HACE1: variants seen among roughly 807,000 people sequenced by gnomAD.
The protein encoded by HACE1 is HECT domain and ankyrin repeat containing E3 ubiquitin protein ligase 1.
HACE1 carries 73 observed loss-of-function variants against 118.4 expected under a neutral mutation model. The observed-to-expected ratio is 0.62, with a 90% CI of 0.51 to 0.75. HACE1 has a LOEUF of 0.75. Among genes scored for constraint, HACE1 ranks in the 30% least tolerant of loss-of-function variants. The pLI, the probability that HACE1 is intolerant of heterozygous loss-of-function variation, is 0.00. For missense variants in HACE1, 749 were observed against 1,102.2 expected, an observed-to-expected ratio of 0.68 and a Z score of 4.54; for synonymous variants, 368 against 374.8, an observed-to-expected ratio of 0.98 and a Z score of 0.21.
At chr6:104,741,158 C>G (rs1254734613) in intron 22 of HACE1, among the ~76,000 whole-genome samples, 30 of 110,122 alleles carry the variant, frequency 2.7e-4, no homozygotes, top group African/African-American at 1.4e-3. Flanking sequence ...TGGGATGTAT[C>G]TCAAAATAAT....
chr6:104,838,735 T>C (rs1215994331), intron 5 of HACE1, among the ~76,000 whole-genome samples: 1 of 150,732 alleles, frequency 6.6e-6, no homozygotes, highest in Admixed American at 6.6e-5. Context: ...AACGGACAAA[T>C]AGGATCACTT....
intron 6 of HACE1, among the ~76,000 whole-genome samples, chr6:104,821,457 A>G (rs1297586914): frequency 6.6e-6 from 1 of 152,214 alleles, no homozygotes; most frequent in East Asian, 1.9e-4. Context: ...AACAATCCAG[A>G]AACTGTAATA....
chr6:104,791,545 C>T lies in HACE1; in HGVS notation c.1033G>A (p.Gly345Ser). ...CTTGGAGTTTTATTCCCATTGTAGC[C>T]CATATCAATTCCATTACTGGGGGAG... ...PSSPSNGIDMGYNGNKTPRSQ... is the reference protein window; with the variant it reads ...PSSPSNGIDMSYNGNKTPRSQ... Residue 345 changes from glycine (G) to serine (S), a missense_variant, in exon 11 of 24, where the codon GGC (glycine) becomes AGC (serine). Gly to Ser is a moderately conservative substitution (Grantham distance 56). Coordinates refer to ENST00000262903, the MANE Select transcript of HACE1 (RefSeq NM_020771.4). 6 of 1,613,030 alleles carry T rather than the reference C, an allele frequency of 3.7e-6. No homozygotes were observed. The highest frequency in any genetic ancestry group is 5.1e-6 in the Non-Finnish European group (6 of 1,179,156).
chr6:104,855,694 A>T (rs1776652308), intron 1 of HACE1, among the ~76,000 whole-genome samples: 1 of 152,156 alleles, frequency 6.6e-6, no homozygotes, highest in African/African-American at 2.4e-5. Context: ...GCATGACAAC[A>T]TTCTTTATCG....
At chr6:104,747,843 T>G (rs972672053) in intron 20 of HACE1, among the ~76,000 whole-genome samples, 2 of 152,130 alleles carry the variant, frequency 1.3e-5, no homozygotes, top group Non-Finnish European at 2.9e-5. Flanking sequence ...ATCAAGACCA[T>G]GCCTACAATG....
intron 17 of HACE1, among the ~76,000 whole-genome samples, chr6:104,772,318 A>G (rs1780715949): frequency 6.6e-6 from 1 of 152,192 alleles, no homozygotes; most frequent in Non-Finnish European, 1.5e-5. Flanking sequence ...AGAAAATTTT[A>G]GAGTACTTTT....
At chr6:104,759,336 C>A (rs1779071360) in intron 19 of HACE1, among the ~76,000 whole-genome samples, 1 of 152,062 alleles carries the variant, frequency 6.6e-6, no homozygotes, top group Non-Finnish European at 1.5e-5. Context: ...GAAAAGAAAT[C>A]ACAACAAACT....
At chr6:104,819,201 A>G (rs1055800738) in intron 6 of HACE1, among the ~76,000 whole-genome samples, 2 of 152,268 alleles carry the variant, frequency 1.3e-5, no homozygotes, top group Admixed American at 1.3e-4. Context: ...GTCTCAGAAT[A>G]CAAAACCAAC....
chr6:104,752,285 G>A (rs1256917224), intron 19 of HACE1, among the ~76,000 whole-genome samples: 6 of 152,118 alleles, frequency 3.9e-5, no homozygotes, highest in African/African-American at 1.2e-4. Context: ...GTACCCAACA[G>A]TCAAACAGAA....
chr6:104,833,988 A>G (rs561241570), intron 5 of HACE1, among the ~76,000 whole-genome samples: 21 of 152,210 alleles, frequency 1.4e-4, no homozygotes, highest in Non-Finnish European at 2.6e-4. Flanking sequence ...CGTCTCAAAA[A>G]AAAAAATTAG....
intron 19 of HACE1, among the ~76,000 whole-genome samples, chr6:104,763,402 T>C (rs1779624114): frequency 6.6e-6 from 1 of 152,186 alleles, no homozygotes; most frequent in African/African-American, 2.4e-5. Context: ...AAATGAGTTA[T>C]CTTGGCAATG....
intron 20 of HACE1, among the ~76,000 whole-genome samples, chr6:104,749,889 A>C (rs1777851013): frequency 6.6e-6 from 1 of 152,114 alleles, no homozygotes; most frequent in Admixed American, 6.5e-5. Flanking sequence ...AAGAATTATA[A>C]AATTATATAT....
At chr6:104,801,100 T>C (rs1198883191) in intron 7 of HACE1, among the ~76,000 whole-genome samples, 4 of 151,886 alleles carry the variant, frequency 2.6e-5, no homozygotes, top group Admixed American at 2.6e-4. Flanking sequence ...TTCGATCAAG[T>C]GGAAGAAAGG....
At chr6:104,757,550 A>G (rs1778862326) in intron 19 of HACE1, among the ~76,000 whole-genome samples, 1 of 152,230 alleles carries the variant, frequency 6.6e-6, no homozygotes, top group Admixed American at 6.5e-5. Context: ...GGTCACAAAC[A>G]TCAAAGCCAA....
At chr6:104,770,315 T>C (rs1582383696) in intron 19 of HACE1, among the ~76,000 whole-genome samples, 1 of 152,138 alleles carries the variant, frequency 6.6e-6, no homozygotes, top group African/African-American at 2.4e-5. Context: ...TATAACATAT[T>C]AAAACACCAA....
At chr6:104,845,608 G>C (rs1582756246) in intron 4 of HACE1, among the ~76,000 whole-genome samples, 1 of 151,538 alleles carries the variant, frequency 6.6e-6, no homozygotes. Context: ...CTCCTGAGTA[G>C]CTGGGACTAC....
chr6:104,816,939 G>A (rs1446683470), intron 6 of HACE1, among the ~76,000 whole-genome samples: 1 of 152,182 alleles, frequency 6.6e-6, no homozygotes, highest in Non-Finnish European at 1.5e-5. Flanking sequence ...AGCCCTGCTA[G>A]GTTTCAGACT....
chr6:104,730,318 G>A lies in HACE1; in HGVS notation c.2612C>T (p.Pro871Leu). ...AAVPYTPNLL[P>L]TSSTCINMLK... is the part of the protein sequence containing the mutation. The stretch of plus-strand genomic sequence containing the variant: ...GTCAACATACCATGTGCTTGAAGTT[G>A]GTAAAAGATTTGGAGTATATGGCAC... Residue 871 changes from proline to leucine, a missense_variant, in exon 23 of 24, where the codon CCA becomes CTA. By Grantham distance (98) the Pro-to-Leu change is moderately conservative. Around this residue, in one of 5 missense-constraint regions of HACE1, gnomAD observed 165 missense variants for 229.9 expected, o/e 0.72. Coordinates refer to ENST00000262903, the MANE Select transcript of HACE1 (RefSeq NM_020771.4). 6.6e-7 allele frequency: 1 copy of A among 1,509,160 alleles called. No homozygotes were observed. 93.5% of individuals were successfully genotyped at this position (1,509,160 alleles called of 1,614,324 possible). A position where few individuals can be genotyped will look rare whatever the true frequency, so the allele number is the denominator to read the frequency against.
At chr6:104,780,216 C>G (rs187350933) in intron 14 of HACE1, 1 of 220,526 alleles carries the variant, frequency 4.5e-6, no homozygotes, top group Admixed American at 5.6e-5. Context: ...ACAAATGGAA[C>G]CTTTTCAAGT....
Sources: allele counts gnomAD v4.1 joint callset (sites outside exome capture counted in the v4.1 genomes callset), GRCh38; gene constraint gnomAD v4.1.1; regional missense constraint gnomAD v4.1.1; transcripts MANE v1.5; gene names NCBI Gene and HGNC (gene_info 2026-07-23, HGNC 2026-07-21).